Variants in GRM7 observed in about 807,000 individuals in gnomAD.
The protein encoded by GRM7 is glutamate metabotropic receptor 7.
GRM7 carries 35 observed loss-of-function variants against 84.5 expected under a neutral mutation model. The observed-to-expected ratio is 0.41, with a 90% CI of 0.32 to 0.55. GRM7 has a LOEUF of 0.55. Among genes scored for constraint, GRM7 ranks in the 20% least tolerant of loss-of-function variants. The pLI is 0.19. For missense variants in GRM7, 1,003 were observed against 1,194.6 expected (o/e 0.84, Z 2.36); for synonymous variants, 487 against 455.1 (o/e 1.07, Z -0.89).
chr3:7,553,534 G>A (rs556493978), intron 7 of GRM7, among the ~76,000 whole-genome samples: 2 of 152,178 alleles, frequency 1.3e-5, no homozygotes, highest in African/African-American at 4.8e-5. Flanking sequence ...TAGGAAAGAG[G>A]CTTAATTGAC....
intron 2 of GRM7, among the ~76,000 whole-genome samples, chr3:7,183,077 T>C (rs1695397792): frequency 6.6e-6 from 1 of 152,132 alleles, no homozygotes; most frequent in African/African-American, 2.4e-5. Flanking sequence ...TCATAAAGTA[T>C]ATCGTTGCCC....
At chr3:6,900,696 C>T (rs1012658560) in intron 1 of GRM7, among the ~76,000 whole-genome samples, 8 of 151,928 alleles carry the variant, frequency 5.3e-5, no homozygotes, top group East Asian at 1.9e-4. Flanking sequence ...ATAGAGAGAC[C>T]GAAAGGGTTC....
intron 3 of GRM7, among the ~76,000 whole-genome samples, chr3:7,299,432 T>G (rs1699922873): frequency 1.3e-5 from 2 of 152,094 alleles, no homozygotes; most frequent in Admixed American, 6.6e-5. Context: ...TGGTCCGGAG[T>G]CCTTATTTTT....
chr3:7,689,191 C>A (rs1020946591), intron 9 of GRM7, among the ~76,000 whole-genome samples: 3 of 152,080 alleles, frequency 2.0e-5, no homozygotes, highest in African/African-American at 7.2e-5. Context: ...TTAAGCCTTG[C>A]GAGAATGCCA....
chr3:7,732,051 C>CT (rs1205467916), intron 9 of GRM7, among the ~76,000 whole-genome samples: 34 of 148,960 alleles, frequency 2.3e-4, no homozygotes, highest in South Asian at 2.1e-4. Flanking sequence ...GTCTATTAAG[C>CT]TTTTTTTTGT....
At chr3:7,604,826 A>G (rs1324923310) in intron 8 of GRM7, among the ~76,000 whole-genome samples, 1 of 152,190 alleles carries the variant, frequency 6.6e-6, no homozygotes, top group Non-Finnish European at 1.5e-5. Flanking sequence ...AGTCCAGGTA[A>G]AAGTAGAAAT....
chr3:7,249,129 A>T (rs1697885019), intron 2 of GRM7, among the ~76,000 whole-genome samples: 1 of 152,148 alleles, frequency 6.6e-6, no homozygotes, highest in Non-Finnish European at 1.5e-5. Flanking sequence ...ATGTATATTT[A>T]TATGTTAATT....
chr3:7,122,684 G>T (rs1693264846), intron 1 of GRM7, among the ~76,000 whole-genome samples: 1 of 152,176 alleles, frequency 6.6e-6, no homozygotes, highest in South Asian at 2.1e-4. Context: ...GTTAGCAAAA[G>T]ATATTTCAGT....
chr3:7,699,197 A>G (rs1354006025), intron 9 of GRM7, among the ~76,000 whole-genome samples: 1 of 152,220 alleles, frequency 6.6e-6, no homozygotes, highest in African/African-American at 2.4e-5. Context: ...ATTTCAGGTA[A>G]GAAAGATTCT....
At chr3:7,609,347 A>G (rs1696739250) in intron 8 of GRM7, among the ~76,000 whole-genome samples, 1 of 151,974 alleles carries the variant, frequency 6.6e-6, no homozygotes, top group African/African-American at 2.4e-5. Flanking sequence ...AATGAAATTC[A>G]ATGCTGGGAG....
chr3:6,955,534 C>CA lies in GRM7; in HGVS notation c.519+93638dup, dbSNP rs574682751. Among the ~76,000 whole-genome samples, 763 of 141,932 alleles carry CA rather than the reference C, an allele frequency of 5.4e-3. 4 individuals are homozygous for CA. Among genetic ancestry groups the CA allele is most frequent in the African/African-American group, 0.017 (671 of 38,814 alleles). 93.1% of individuals were successfully genotyped at this position (141,932 alleles called of 152,430 possible). A position where few individuals can be genotyped will look rare whatever the true frequency, so the allele number is the denominator to read the frequency against. The stretch of plus-strand genomic sequence containing the variant: ...CCTGGGTGACAGAGCCAGGCTCCAT[C>CA]AAAAAAAAAAAGAAGAATAGAATGA... On this transcript the variant is annotated intron_variant, in intron 1 of 9. Coordinates refer to ENST00000357716, the MANE Select transcript of GRM7 (RefSeq NM_000844.4).
At chr3:7,302,972 G>T (rs1180848419) in intron 3 of GRM7, among the ~76,000 whole-genome samples, 4 of 132,636 alleles carry the variant, frequency 3.0e-5, no homozygotes, top group African/African-American at 1.3e-4. Context: ...ACAGAGTCTC[G>T]CTCTGTTGCC....
chr3:7,019,664 C>G (rs540673748), intron 1 of GRM7, among the ~76,000 whole-genome samples: 1 of 152,046 alleles, frequency 6.6e-6, no homozygotes, highest in East Asian at 1.9e-4. Context: ...TTTTTATTAG[C>G]CAAAGCCAGT....
At chr3:7,555,861 C>A (rs2125030664) in intron 7 of GRM7, among the ~76,000 whole-genome samples, 1 of 152,226 alleles carries the variant, frequency 6.6e-6, no homozygotes, top group East Asian at 1.9e-4. Flanking sequence ...TGAGAAGCCA[C>A]CATATCTACT....
chr3:7,276,722 G>T (rs1699071581), intron 2 of GRM7, among the ~76,000 whole-genome samples: 1 of 135,304 alleles, frequency 7.4e-6, no homozygotes, highest in African/African-American at 2.8e-5. Context: ...TAGCATTTAG[G>T]GATCAGCAAC....
chr3:7,475,108 G>T (rs944599486), intron 7 of GRM7, among the ~76,000 whole-genome samples: 8 of 152,292 alleles, frequency 5.3e-5, no homozygotes, highest in Non-Finnish European at 1.0e-4. Context: ...ATGACAATGA[G>T]AAAGAAGTAA....
chr3:6,949,683 T>C (rs1270894151), intron 1 of GRM7, among the ~76,000 whole-genome samples: 1 of 152,136 alleles, frequency 6.6e-6, no homozygotes, highest in Non-Finnish European at 1.5e-5. Context: ...CCTGTCACTT[T>C]CAGGTACACC....
At chr3:7,713,901 T>A (rs73809689) in intron 9 of GRM7, among the ~76,000 whole-genome samples, 1 of 147,644 alleles carries the variant, frequency 6.8e-6, no homozygotes, top group Non-Finnish European at 1.5e-5. Flanking sequence ...TTTAGTTAAG[T>A]AGCTGATGGG....
At chr3:7,507,356 G>C (rs991724388) in intron 7 of GRM7, among the ~76,000 whole-genome samples, 1 of 152,132 alleles carries the variant, frequency 6.6e-6, no homozygotes, top group African/African-American at 2.4e-5. Flanking sequence ...GAAACTTCTG[G>C]AATTGTTTCC....
Sources: allele counts gnomAD v4.1 joint callset (sites outside exome capture counted in the v4.1 genomes callset), GRCh38; gene constraint gnomAD v4.1.1; transcripts MANE v1.5; gene names NCBI Gene and HGNC (gene_info 2026-07-23, HGNC 2026-07-21).